The following ELP1 variants were observed in gnomAD, a reference collection of about 807,000 sequenced individuals.
The protein encoded by ELP1 is elongator complex protein 1.
Under a neutral mutation model 183.2 loss-of-function variants are expected in ELP1, and 131 were observed. The ratio of observed to expected loss-of-function variants is 0.72; its 90% CI spans 0.62 to 0.83. The LOEUF is 0.83. ELP1 is among the 40% of genes least tolerant of loss of function. The pLI, the probability that ELP1 is intolerant of heterozygous loss-of-function variation, is 0.00. For missense variants in ELP1, 1,550 were observed against 1,594.9 expected (o/e 0.97, Z 0.48); for synonymous variants, 555 against 569.0 (o/e 0.98, Z 0.35).
intron 29 of ELP1, among the ~76,000 whole-genome samples, chr9:108,882,464 C>T (rs1827966987): frequency 6.6e-6 from 1 of 152,314 alleles, no homozygotes; most frequent in African/African-American, 2.4e-5. Flanking sequence ...GTCTGTTAGA[C>T]ATGCCCATCT....
chr9:108,916,520 G>C (rs574561972), intron 9 of ELP1, among the ~76,000 whole-genome samples: 11 of 152,234 alleles, frequency 7.2e-5, no homozygotes, highest in Non-Finnish European at 1.5e-4. Flanking sequence ...AAGATTAAAA[G>C]AGACTTAAGA....
intron 10 of ELP1, among the ~76,000 whole-genome samples, chr9:108,914,413 A>AAAAAAAG (rs1491236727): frequency 2.2e-5 from 2 of 89,130 alleles, no homozygotes; most frequent in African/African-American, 9.4e-5. Flanking sequence ...AAAAAAAAAA[A>AAAAAAAG]GGGGGGGGGG....
At chr9:108,890,366 G>A (rs796960135) in intron 28 of ELP1, among the ~76,000 whole-genome samples, 11 of 152,030 alleles carry the variant, frequency 7.2e-5, no homozygotes, top group African/African-American at 2.4e-4. Flanking sequence ...AAGAAGGACT[G>A]GTACATAAAT....
chr9:108,904,900 G>A (rs1828961131), intron 14 of ELP1, among the ~76,000 whole-genome samples: 1 of 152,206 alleles, frequency 6.6e-6, no homozygotes, highest in Non-Finnish European at 1.5e-5. Flanking sequence ...AGAAATAAAA[G>A]TCAAAGCAGT....
At chr9:108,879,302 A>T in intron 33 of ELP1, 144 bp downstream of exon 33, 1 of 709,298 alleles carries the variant, frequency 1.4e-6, no homozygotes, top group Non-Finnish European at 2.6e-6. Context: ...ATGCTGGGAA[A>T]GTGTCTGAAC....
chr9:108,905,831 C>G (rs576060559), intron 14 of ELP1, among the ~76,000 whole-genome samples: 20 of 151,038 alleles, frequency 1.3e-4, no homozygotes, highest in African/African-American at 4.9e-4. Flanking sequence ...AATACCATGT[C>G]AAGTATTTGT....
At chr9:108,920,839 A>G (rs1021167959) in intron 6 of ELP1, among the ~76,000 whole-genome samples, 1 of 152,166 alleles carries the variant, frequency 6.6e-6, no homozygotes, top group African/African-American at 2.4e-5. Flanking sequence ...AGTACATTAG[A>G]TAACAGGATG....
chr9:108,908,040 T>C (rs956661471), intron 13 of ELP1, among the ~76,000 whole-genome samples: 1 of 152,188 alleles, frequency 6.6e-6, no homozygotes, highest in Non-Finnish European at 1.5e-5. Context: ...TCCCACATGA[T>C]TTTTCCTGGA....
At chr9:108,900,988 GAGAT>G (rs1489248422) in intron 18 of ELP1, among the ~76,000 whole-genome samples, 2 of 151,474 alleles carry the variant, frequency 1.3e-5, no homozygotes, top group South Asian at 2.1e-4. Context: ...CACACACACA[GAGAT>G]AGATAGGGCA....
intron 25 of ELP1, among the ~76,000 whole-genome samples, chr9:108,896,235 C>A (rs151301177): frequency 7.2e-5 from 11 of 151,874 alleles, no homozygotes; most frequent in African/African-American, 2.7e-4. Context: ...CCAGCCTGGG[C>A]GACTGAGTGA....
At chr9:108,902,989 G>C (rs1432886374) in intron 15 of ELP1, 47 bp from the exon 16 acceptor site, 1 of 1,406,336 alleles carries the variant, frequency 7.1e-7, no homozygotes, top group East Asian at 2.3e-5. Flanking sequence ...TGCGCTCTTT[G>C]CAAAAAACCA....
chr9:108,868,516 A>G lies in ELP1; in HGVS notation c.*599T>C. The G allele has an allele frequency of 2.5e-6, 1 of 403,220 alleles. No individual in the cohort carries two copies. Among genetic ancestry groups the G allele is most frequent in the African/African-American group, 2.1e-5 (1 of 48,710 alleles). 25.0% of individuals were successfully genotyped at this position (403,220 alleles called of 1,614,324 possible). On this transcript the variant is annotated 3_prime_UTR_variant, in exon 37 of 37. Coordinates refer to ENST00000374647, the MANE Select transcript of ELP1 (RefSeq NM_003640.5). ...GCTAACTCTCTAGCAGAAAATACAC[A>G]GGCAGTAAAACAGTCCCTATAGACA...
chr9:108,913,919 C>A (rs1243308576), intron 10 of ELP1, among the ~76,000 whole-genome samples: 1 of 152,194 alleles, frequency 6.6e-6, no homozygotes, highest in Non-Finnish European at 1.5e-5. Context: ...TGGTTCTCAA[C>A]TGCGGCTGTT....
chr9:108,872,925 T>A (rs1827544484), intron 36 of ELP1, among the ~76,000 whole-genome samples: 1 of 148,068 alleles, frequency 6.8e-6, no homozygotes, highest in African/African-American at 2.6e-5. Context: ...TAACTTGAAA[T>A]AAACACAAAG....
chr9:108,901,356 A>G, intron 18 of ELP1, 69 bp downstream of exon 18: 2 of 1,136,024 alleles, frequency 1.8e-6, no homozygotes, highest in Non-Finnish European at 2.6e-6. Flanking sequence ...TGAAGAATTC[A>G]AAAAGTCATC....
intron 35 of ELP1, among the ~76,000 whole-genome samples, chr9:108,877,286 G>A (rs764890186): frequency 2.6e-5 from 4 of 152,132 alleles, no homozygotes; most frequent in Admixed American, 1.3e-4. Context: ...TCCTTCCTCT[G>A]TATTTCCCTT....
chr9:108,911,318 G>T, intron 11 of ELP1, 138 bp from the exon 12 acceptor site: 1 of 873,456 alleles, frequency 1.1e-6, no homozygotes. Context: ...TCAGGAACAA[G>T]TCTAAAAACA....
intron 19 of ELP1, 24 bp from the exon 20 acceptor site, chr9:108,899,919 A>G (rs545581967): frequency 1.3e-6 from 2 of 1,586,342 alleles, no homozygotes; most frequent in South Asian, 2.2e-5. Context: ...AAGCAGTAAC[A>G]TTTTTAATTA....
intron 13 of ELP1, among the ~76,000 whole-genome samples, chr9:108,908,004 C>T (rs750050111): frequency 1.6e-4 from 24 of 152,138 alleles, no homozygotes; most frequent in African/African-American, 3.9e-4. Flanking sequence ...AATGCAGCTC[C>T]GCCTTATCAT....
Sources: allele counts gnomAD v4.1 joint callset (sites outside exome capture counted in the v4.1 genomes callset), GRCh38; gene constraint gnomAD v4.1.1; transcripts MANE v1.5; gene names NCBI Gene and HGNC (gene_info 2026-07-23, HGNC 2026-07-21).